ADGRG5: variants seen among roughly 807,000 people sequenced by gnomAD.
The protein encoded by ADGRG5 is adhesion G protein-coupled receptor G5, also known as G protein-coupled receptor 114.
ADGRG5 carries 37 observed loss-of-function variants against 53.2 expected under a neutral mutation model. The ratio of observed to expected loss-of-function variants is 0.70; its 90% CI spans 0.53 to 0.91. The LOEUF is 0.91. ADGRG5 is among the 40% of genes least tolerant of loss of function. The probability of loss-of-function intolerance (pLI) is 0.00; values close to 1 mark genes in which losing one functional copy is unlikely to be tolerated. For synonymous variants in ADGRG5, 277 were observed against 290.4 expected (o/e 0.95, Z 0.47); for missense variants, 614 against 675.8 (o/e 0.91, Z 1.01).
intron 1 of ADGRG5, among the ~76,000 whole-genome samples, chr16:57,559,012 ATTTT>A (rs10564046): frequency 1.6e-4 from 23 of 139,528 alleles, no homozygotes; most frequent in East Asian, 1.4e-3. Flanking sequence ...CATCTGCCTA[ATTTT>A]TTTTTTTTTT....
chr16:57,562,109 GC>G lies in ADGRG5; in HGVS notation c.19del (p.Leu7PhefsTer8). The G allele has an allele frequency of 6.3e-7, 1 of 1,598,538 alleles. No homozygotes were observed. The highest frequency in any genetic ancestry group is 8.6e-7 in the Non-Finnish European group (1 of 1,169,542). On this transcript the variant is annotated frameshift_variant, in exon 2 of 12. Coordinates refer to ENST00000349457, the MANE Select transcript of ADGRG5 (RefSeq NM_001304376.3). LOFTEE classifies it high-confidence loss of function. MDHCG[A>X]LFLCLCLLTL... ...TGCACAGGGCATGGATCACTGTGGTGCCCTTTTCCTGTGCCTGTGCCTTCTG... is the reference window on the plus strand; with the variant it reads ...TGCACAGGGCATGGATCACTGTGGTGCCTTTTCCTGTGCCTGTGCCTTCTG...
rs149449822 is a variant in ADGRG5, at chr16:57,574,940, C to T, written c.1334C>T (p.Ala445Val). The stretch of plus-strand genomic sequence containing the variant: ...ACCCTGCGCAGGCTGCGGGAGCGGG[C>T]GGATGCACCAAGTGTCAGGGCCTGC... The part of the protein sequence containing the change: ...LWTLRRLRER[A>V]DAPSVRACHD... The change falls in exon 11 of 12, where the codon GCG becomes GTG. Residue 445 changes from alanine (A) to valine (V), a missense_variant. Transcript: ENST00000349457. This position sits in a 1 kb window ranked among gnomAD's most constrained non-coding sequence, Gnocchi z 4.4. 40 of 1,613,230 alleles carry T rather than the reference C, an allele frequency of 2.5e-5. No homozygotes were observed. Among genetic ancestry groups the T allele is most frequent in the Non-Finnish European group, 2.9e-5 (34 of 1,179,984 alleles).
chr16:57,566,438 G>T (rs139711232), intron 6 of ADGRG5, 161 bp from the exon 7 acceptor site: 1 of 557,004 alleles, frequency 1.8e-6, no homozygotes, highest in African/African-American at 1.9e-5. Flanking sequence ...CACAGTGGAG[G>T]TGGGACAGGA....
At chr16:57,552,550 A>G (rs1440090050) in intron 1 of ADGRG5, among the ~76,000 whole-genome samples, 2 of 152,120 alleles carry the variant, frequency 1.3e-5, no homozygotes, top group Non-Finnish European at 2.9e-5. Flanking sequence ...CTTGGCCTTC[A>G]TAGAATTGAA....
At chr16:57,551,322 A>G (rs1460488357) in intron 1 of ADGRG5, among the ~76,000 whole-genome samples, 1 of 152,178 alleles carries the variant, frequency 6.6e-6, no homozygotes, top group Admixed American at 6.5e-5. Flanking sequence ...TTTCTGTAGC[A>G]TGTGATGCTG....
chr16:57,566,322 GT>G, intron 6 of ADGRG5: 1 of 344,760 alleles, frequency 2.9e-6, no homozygotes. Flanking sequence ...GTTGCCCTTT[GT>G]TTTTCCACCA....
chr16:57,545,742 A>T (rs897788848), intron 1 of ADGRG5, among the ~76,000 whole-genome samples: 8 of 152,298 alleles, frequency 5.3e-5, no homozygotes, highest in African/African-American at 1.4e-4. Context: ...GTGTTCATAG[A>T]TATTTGTGCT....
intron 1 of ADGRG5, among the ~76,000 whole-genome samples, chr16:57,551,291 C>T (rs2032746986): frequency 6.6e-6 from 1 of 152,148 alleles, no homozygotes; most frequent in Non-Finnish European, 1.5e-5. Context: ...CATCAGTTGA[C>T]TCTTCCTTTC....
upstream of ADGRG5, among the ~76,000 whole-genome samples, chr16:57,538,809 C>T (rs1443999570): frequency 2.0e-5 from 3 of 152,130 alleles, no homozygotes; most frequent in Admixed American, 6.5e-5. Flanking sequence ...TAACACATGC[C>T]CTTATTTACC....
At chr16:57,562,301 C>T in intron 2 of ADGRG5, 83 bp from the exon 3 acceptor site, 1 of 1,435,672 alleles carries the variant, frequency 7.0e-7, no homozygotes, top group South Asian at 1.2e-5. Flanking sequence ...GAACTAGACT[C>T]TCAGGGTGGG....
the ADGRG5 span, among the ~76,000 whole-genome samples, chr16:57,531,824 G>A: frequency 1.3e-5 from 2 of 152,242 alleles, no homozygotes; most frequent in South Asian, 2.1e-4. Flanking sequence ...CCTGGCAAAC[G>A]CCAACCCTGT....
At chr16:57,569,003 T>TCAC (rs2033244068) in intron 9 of ADGRG5, among the ~76,000 whole-genome samples, 1 of 102,450 alleles carries the variant, frequency 9.8e-6, no homozygotes, top group African/African-American at 3.8e-5. Context: ...ATCATCACCA[T>TCAC]CACCTCCTCC....
chr16:57,537,414 G>A, the ADGRG5 span, among the ~76,000 whole-genome samples: 1 of 152,154 alleles, frequency 6.6e-6, no homozygotes, highest in Non-Finnish European at 1.5e-5. Context: ...ATATTACGAA[G>A]ATAAATTAGT....
In ADGRG5 at chr16:57,577,060, A is replaced by T. The variant is rs1183132953; in HGVS notation, c.*1522A>T. On this transcript the variant is annotated 3_prime_UTR_variant, in exon 12 of 12. Coordinates refer to ENST00000349457, the MANE Select transcript of ADGRG5 (RefSeq NM_001304376.3). ...CCACTTGCTAGCTGTGAGACTGTGG[A>T]CAAACCACTCAGCCTCTGTGTGCCT... is the stretch of plus-strand genomic sequence containing the variant. The T allele has an allele frequency of 1.3e-5, 2 of 152,352 alleles. No individual in the cohort carries two copies. Among genetic ancestry groups the T allele is most frequent in the East Asian group, 3.9e-4 (2 of 5,180 alleles). The allele number at this position is 152,352 out of a possible 1,614,324, so 9.4% of individuals were successfully genotyped here. A position where few individuals can be genotyped will look rare whatever the true frequency, so the allele number is the denominator to read the frequency against.
chr16:57,567,599 G>T lies in ADGRG5; in HGVS notation c.821+8G>T, dbSNP rs199933471. ...GCTGCACTTCCATTTCAGGTATTCCGCTGCCACAGTGCTGGGCCTGCCCTG... is the reference window on the plus strand; with the variant it reads ...GCTGCACTTCCATTTCAGGTATTCCTCTGCCACAGTGCTGGGCCTGCCCTG... On this transcript the variant is annotated splice_region_variant and intron_variant, in intron 8 of 11. Transcript: ENST00000349457. The T allele has an allele frequency of 6.2e-7, 1 of 1,608,616 alleles. No individual in the cohort carries two copies.
the ADGRG5 span, among the ~76,000 whole-genome samples, chr16:57,532,558 G>A: frequency 5.9e-5 from 9 of 152,114 alleles, no homozygotes; most frequent in Non-Finnish European, 1.3e-4. Context: ...TCAGATGGAC[G>A]GACAGGCACA....
intron 1 of ADGRG5, among the ~76,000 whole-genome samples, chr16:57,555,956 C>G (rs1027069616): frequency 6.6e-6 from 1 of 151,922 alleles, no homozygotes; most frequent in Admixed American, 6.6e-5. Flanking sequence ...AGCACTTCCC[C>G]CTTCTCTCTC....
intron 1 of ADGRG5, among the ~76,000 whole-genome samples, chr16:57,557,610 A>G (rs927127436): frequency 2.0e-5 from 3 of 152,090 alleles, no homozygotes; most frequent in Non-Finnish European, 4.4e-5. Flanking sequence ...CCAGTTACAT[A>G]TATACAGACC....
chr16:57,538,332 C>T (rs2032438130), upstream of ADGRG5, among the ~76,000 whole-genome samples: 1 of 152,086 alleles, frequency 6.6e-6, no homozygotes, highest in African/African-American at 2.4e-5. Context: ...GGACTGGGCA[C>T]GGCGGCTCAC....
Sources: allele counts gnomAD v4.1 joint callset (sites outside exome capture counted in the v4.1 genomes callset), GRCh38; gene constraint gnomAD v4.1.1; non-coding constraint Gnocchi (gnomAD v3.1); transcripts MANE v1.5; gene names NCBI Gene and HGNC (gene_info 2026-07-23, HGNC 2026-07-21).